Variants in FHIT observed in about 807,000 individuals in gnomAD.
The protein encoded by FHIT is bis(5'-adenosyl)-triphosphatase.
Under a neutral mutation model 17.9 loss-of-function variants are expected in FHIT, and 19 were observed. That is an observed-to-expected ratio of 1.06 (90% CI 0.74 to 1.56). The LOEUF is 1.56. Ranked by LOEUF, FHIT falls within the 40% of genes most tolerant of loss-of-function variation. The pLI, the probability that FHIT is intolerant of heterozygous loss-of-function variation, is 0.00. For synonymous variants in FHIT, 81 were observed against 69.7 expected, an observed-to-expected ratio of 1.16 and a Z score of -0.81; for missense variants, 248 against 189.2, an observed-to-expected ratio of 1.31 and a Z score of -1.82.
intron 5 of FHIT, among the ~76,000 whole-genome samples, chr3:60,434,300 C>G (rs1212186330): frequency 6.6e-6 from 1 of 152,046 alleles, no homozygotes; most frequent in South Asian, 2.1e-4. Flanking sequence ...ACAGCAAAAT[C>G]TCAAAGTAAA....
intron 3 of FHIT, among the ~76,000 whole-genome samples, chr3:60,980,453 T>C (rs1224039885): frequency 6.6e-6 from 1 of 152,216 alleles, no homozygotes; most frequent in Non-Finnish European, 1.5e-5. Context: ...TAGAATCTGA[T>C]GTGAGCCACT....
At chr3:60,436,572 G>C (rs1051004612) in intron 5 of FHIT, among the ~76,000 whole-genome samples, 14 of 151,558 alleles carry the variant, frequency 9.2e-5, no homozygotes, top group Non-Finnish European at 1.9e-4. Context: ...TAAAGGAAAT[G>C]TTTACTTTGA....
intron 5 of FHIT, among the ~76,000 whole-genome samples, chr3:60,276,272 C>T (rs1413391347): frequency 2.6e-5 from 4 of 152,148 alleles, no homozygotes; most frequent in Non-Finnish European, 5.9e-5. Flanking sequence ...AGGCATGAGC[C>T]ACTGCACCCG....
intron 5 of FHIT, among the ~76,000 whole-genome samples, chr3:60,506,760 A>G (rs1370744703): frequency 7.9e-5 from 12 of 151,800 alleles, no homozygotes; most frequent in Non-Finnish European, 1.5e-5. Context: ...AAATGGAATG[A>G]GAAGACAATG....
intron 1 of FHIT, among the ~76,000 whole-genome samples, chr3:61,210,210 G>C (rs1332008952): frequency 6.6e-6 from 1 of 152,186 alleles, no homozygotes; most frequent in Non-Finnish European, 1.5e-5. Context: ...GTGTTAGAAC[G>C]CCCCTAGTGC....
intron 4 of FHIT, among the ~76,000 whole-genome samples, chr3:60,554,267 C>T (rs371694098): frequency 3.3e-5 from 5 of 149,336 alleles, no homozygotes; most frequent in African/African-American, 7.4e-5. Context: ...ACAAACAAAA[C>T]GAAACCCAAA....
chr3:60,341,991 A>G (rs530187436), intron 5 of FHIT, among the ~76,000 whole-genome samples: 1 of 152,270 alleles, frequency 6.6e-6, no homozygotes, highest in East Asian at 1.9e-4. Flanking sequence ...ATTGGGTGAA[A>G]AAGAAAAAAG....
At chr3:59,785,697 A>T (rs1190266841) in intron 8 of FHIT, among the ~76,000 whole-genome samples, 1 of 152,350 alleles carries the variant, frequency 6.6e-6, no homozygotes, top group East Asian at 1.9e-4. Context: ...TAGTAGCAGT[A>T]GTTTCTAGAC....
chr3:60,973,485 C>T (rs973621979), intron 3 of FHIT, among the ~76,000 whole-genome samples: 7 of 152,154 alleles, frequency 4.6e-5, no homozygotes, highest in African/African-American at 1.7e-4. Context: ...GTTGAACTTA[C>T]ATCTCTGTGG....
intron 4 of FHIT, among the ~76,000 whole-genome samples, chr3:60,601,698 A>G (rs1292815793): frequency 6.6e-6 from 1 of 152,232 alleles, no homozygotes; most frequent in Non-Finnish European, 1.5e-5. Flanking sequence ...AACAGAATGT[A>G]AAAGACAGAT....
intron 7 of FHIT, among the ~76,000 whole-genome samples, chr3:59,981,124 A>T (rs1708636255): frequency 6.6e-6 from 1 of 152,190 alleles, no homozygotes; most frequent in Non-Finnish European, 1.5e-5. Flanking sequence ...AATAAGTTTG[A>T]AAAATATTTC....
intron 5 of FHIT, among the ~76,000 whole-genome samples, chr3:60,375,726 C>T (rs933584797): frequency 3.3e-5 from 5 of 152,114 alleles, no homozygotes; most frequent in Non-Finnish European, 7.3e-5. Flanking sequence ...ACTATTCTCC[C>T]CTCAATCACA....
At chr3:60,593,320 T>G (rs375779822) in intron 4 of FHIT, among the ~76,000 whole-genome samples, 38 of 152,278 alleles carry the variant, frequency 2.5e-4, no homozygotes, top group African/African-American at 8.2e-4. Context: ...TGTATAATAT[T>G]ACAAAGAATA....
intron 4 of FHIT, among the ~76,000 whole-genome samples, chr3:60,602,699 A>G (rs1008112904): frequency 1.1e-4 from 17 of 152,132 alleles, no homozygotes; most frequent in Admixed American, 4.6e-4. Flanking sequence ...AGCCTGTGCA[A>G]TGGACTGAAT....
At position 60,821,292 on chromosome 3, in the gene FHIT, A is replaced by G. The variant is rs1701921911; in HGVS notation, c.-18+627T>C. The stretch of plus-strand genomic sequence containing the variant: ...ATTTTTAAAAATACATATTCAACAT[A>G]TCCGGTGAAATCATTCAAAGATGCA... On this transcript the variant is annotated intron_variant, in intron 4 of 9. Coordinates refer to ENST00000492590, the MANE Select transcript of FHIT (RefSeq NM_002012.4). 1.3e-5 allele frequency among the ~76,000 whole-genome samples: 2 copies of G among 152,134 alleles called. 1 individual carries two copies. The highest frequency in any genetic ancestry group is 4.1e-4 in the South Asian group (2 of 4,832).
At chr3:60,229,461 A>G (rs1704385366) in intron 5 of FHIT, among the ~76,000 whole-genome samples, 1 of 151,976 alleles carries the variant, frequency 6.6e-6, no homozygotes, top group African/African-American at 2.4e-5. Flanking sequence ...AAAGAAAGAA[A>G]GAAAAGAAAG....
At chr3:60,637,469 A>G (rs756415687) in intron 4 of FHIT, among the ~76,000 whole-genome samples, 25 of 152,176 alleles carry the variant, frequency 1.6e-4, no homozygotes, top group Non-Finnish European at 2.9e-4. Context: ...GACCATCACT[A>G]CTACTGCCTA....
intron 1 of FHIT, among the ~76,000 whole-genome samples, chr3:61,205,508 G>A (rs2039194788): frequency 1.3e-5 from 2 of 152,114 alleles, no homozygotes; most frequent in Admixed American, 1.3e-4. Context: ...TTTAATGATT[G>A]CCATTCTAAC....
intron 8 of FHIT, among the ~76,000 whole-genome samples, chr3:59,803,997 C>A (rs532783794): frequency 1.3e-5 from 2 of 152,258 alleles, no homozygotes; most frequent in South Asian, 4.2e-4. Context: ...ATACTTGGGG[C>A]CTGGTTCTCA....
Sources: allele counts gnomAD v4.1 joint callset (sites outside exome capture counted in the v4.1 genomes callset), GRCh38; gene constraint gnomAD v4.1.1; transcripts MANE v1.5; gene names NCBI Gene and HGNC (gene_info 2026-07-23, HGNC 2026-07-21).